SDC3: variants seen among roughly 807,000 people sequenced by gnomAD.
The protein encoded by SDC3 is syndecan 3, also known as syndecan-3.
A neutral mutation model predicts 24.4 loss-of-function variants in SDC3; 13 were observed. The observed-to-expected ratio is 0.53, with a 90% confidence interval of 0.35 to 0.85. The LOEUF is 0.85. Among genes scored for constraint, SDC3 ranks in the 40% least tolerant of loss-of-function variants. The pLI, the probability that SDC3 is intolerant of heterozygous loss-of-function variation, is 0.01. For missense variants in SDC3, 571 were observed against 584.5 expected (o/e 0.98, Z 0.24); for synonymous variants, 295 against 260.9 (o/e 1.13, Z -1.26).
chr1:30,876,995 G>C lies in SDC3; in HGVS notation c.427C>G (p.Leu143Val). The C allele has an allele frequency of 6.2e-7, 1 of 1,613,576 alleles. No homozygotes were observed. The change falls in exon 3 of 5, where the codon CTG becomes GTG. Residue 143 changes from leucine to valine, a missense_variant. Leu to Val is a conservative substitution (Grantham distance 32). This residue lies in a region of SDC3 where 497 missense variants were observed against 471.6 expected (regional missense o/e 1.05). Transcript: ENST00000339394. ...RPTLEPATSP[L>V]VVTEVPEEPS... ...TCTTCCGGGACTTCTGTCACCACCA[G>C]GGGGCTGGTGGCTGGCTCCAGGGTG... is the stretch of plus-strand genomic sequence containing the variant.
Position 30,876,715 on chromosome 1 carries a change from G to A in SDC3, c.707C>T (p.Ala236Val), listed in dbSNP as rs771589440. The change falls in exon 3 of 5, where the codon GCG (alanine) becomes GTG (valine). Residue 236 changes from alanine to valine, a missense_variant. Physicochemically the swap from Ala to Val is moderately conservative, Grantham distance 64. Coordinates refer to ENST00000339394, the MANE Select transcript of SDC3 (RefSeq NM_014654.4). ...TGGGGCCTCGGTGTCCAAGACAGCC[G>A]CCGTGGTGGGCGGGGAGGGCGCCTC... Reference protein sequence around the residue: ...TPEAPSPPTTAAVLDTEAPTP... With the variant: ...TPEAPSPPTTVAVLDTEAPTP... 6.0e-5 allele frequency: 95 copies of A among 1,595,796 alleles called. No homozygotes were observed. In the South Asian group the frequency reaches 7.9e-4, roughly 13 times the overall value.
intron 1 of SDC3, among the ~76,000 whole-genome samples, chr1:30,900,663 G>A (rs992423514): frequency 6.6e-6 from 1 of 152,164 alleles, no homozygotes; most frequent in African/African-American, 2.4e-5. Flanking sequence ...CCAGCCCAGG[G>A]AGGGGGACAG....
intron 1 of SDC3, among the ~76,000 whole-genome samples, chr1:30,894,890 T>C (rs1452687326): frequency 6.6e-6 from 1 of 151,930 alleles, no homozygotes; most frequent in Non-Finnish European, 1.5e-5. Flanking sequence ...AGTGTGTCCA[T>C]GTTAGCGTGG....
chr1:30,899,379 C>G (rs1638359477), intron 1 of SDC3, among the ~76,000 whole-genome samples: 1 of 152,112 alleles, frequency 6.6e-6, no homozygotes, highest in East Asian at 1.9e-4. Context: ...GTCACCAAGC[C>G]TGCCTTGTTG....
At chr1:30,892,660 T>G (rs1245803863) in intron 1 of SDC3, among the ~76,000 whole-genome samples, 2 of 152,186 alleles carry the variant, frequency 1.3e-5, no homozygotes, top group Non-Finnish European at 2.9e-5. Context: ...TGGTGGGCTC[T>G]CATGGCCACT....
At chr1:30,880,513 C>T (rs191078138) in intron 1 of SDC3, 1 of 152,376 alleles carries the variant, frequency 6.6e-6, no homozygotes, top group Non-Finnish European at 1.5e-5. Flanking sequence ...TCCAAACCTG[C>T]TTCCAAGAGT....
chr1:30,890,793 T>C (rs906402998), intron 1 of SDC3, among the ~76,000 whole-genome samples: 4 of 152,212 alleles, frequency 2.6e-5, no homozygotes, highest in Non-Finnish European at 4.4e-5. Flanking sequence ...CACGCTTGTC[T>C]TGGCCCTGCT....
Position 30,908,688 on chromosome 1 carries a change from G to T in SDC3, c.-102C>A, listed in dbSNP as rs894797774. The T allele has an allele frequency of 7.7e-5, 26 of 336,488 alleles. No homozygotes were observed. The highest frequency in any genetic ancestry group is 1.1e-4 in the Non-Finnish European group (26 of 240,008). The allele number at this position is 336,488 out of a possible 1,614,324, so 20.8% of individuals were successfully genotyped here. On this transcript the variant is annotated 5_prime_UTR_variant, in exon 1 of 5. Transcript: ENST00000339394. ...TTGGCGGCGGCGCGGCCCGGCGGCT[G>T]GACCGACGCGCTCTAGGCTCGCGGG...
Position 30,874,315 on chromosome 1 carries a change from G to A in SDC3, c.1144C>T (p.Arg382Trp), listed in dbSNP as rs763990227. 20 of 1,609,456 alleles carry A rather than the reference G, an allele frequency of 1.2e-5. No homozygotes were observed. Among genetic ancestry groups the A allele is most frequent in the African/African-American group, 6.7e-5 (5 of 74,838 alleles). ...GCCTCACCTACGAGCACCTCCTTCC[G>A]CTCCAGGATACTCTTCTGAGGCAGC... Reference protein sequence around the residue: ...AQLPQKSILERKEVLVAVIVG... With the variant: ...AQLPQKSILEWKEVLVAVIVG... The change falls in exon 4 of 5, where the codon CGG becomes TGG. Residue 382 changes from arginine (R) to tryptophan (W), a missense_variant. Physicochemically the swap from Arg to Trp is moderately radical, Grantham distance 101. Around this residue, in one of 2 missense-constraint regions of SDC3, gnomAD observed 74 missense variants for 112.9 expected, o/e 0.66. Coordinates refer to ENST00000339394, the MANE Select transcript of SDC3 (RefSeq NM_014654.4).
intron 1 of SDC3, among the ~76,000 whole-genome samples, chr1:30,894,833 G>C (rs1019754881): frequency 2.0e-5 from 3 of 151,988 alleles, no homozygotes; most frequent in Admixed American, 2.0e-4. Context: ...ATCCATGTGT[G>C]TATGCCTAGG....
chr1:30,885,091 G>A (rs1639808836), intron 1 of SDC3, among the ~76,000 whole-genome samples: 1 of 152,158 alleles, frequency 6.6e-6, no homozygotes, highest in Non-Finnish European at 1.5e-5. Flanking sequence ...ATATGCAGAT[G>A]GCTCTCTCAA....
chr1:30,878,815 G>T (rs997490684), intron 1 of SDC3, 75 bp from the exon 2 acceptor site: 5 of 1,200,988 alleles, frequency 4.2e-6, no homozygotes, highest in Non-Finnish European at 5.0e-6. Flanking sequence ...AGGGCGACAG[G>T]TGCCCTTGTG....
At chr1:30,875,828 C>T (rs1639627642) in intron 3 of SDC3, among the ~76,000 whole-genome samples, 1 of 152,210 alleles carries the variant, frequency 6.6e-6, no homozygotes, top group Non-Finnish European at 1.5e-5. Flanking sequence ...GGCTTCACCT[C>T]CCTGTGCACC....
At position 30,878,606 on chromosome 1, in the gene SDC3, G is replaced by C; in HGVS notation, c.256+17C>G. On this transcript the variant is annotated intron_variant, in intron 2 of 4. Transcript: ENST00000339394. ...TGGTCACTGCCCCCAGGCAGAGGTA[G>C]GGAGGGGGGTACTTACAGCCCGAGC... 1 of 1,595,112 alleles carries C rather than the reference G, an allele frequency of 6.3e-7. No homozygotes were observed. The highest frequency in any genetic ancestry group is 8.6e-7 in the Non-Finnish European group (1 of 1,162,538).
intron 2 of SDC3, chr1:30,878,345 T>G: frequency 3.0e-6 from 1 of 332,352 alleles, no homozygotes; most frequent in Non-Finnish European, 5.6e-6. Flanking sequence ...CCAAGCAAGG[T>G]CTGCAGAGAA....
intron 2 of SDC3, chr1:30,877,617 C>A (rs570510817): frequency 4.2e-6 from 1 of 235,588 alleles, no homozygotes; most frequent in Non-Finnish European, 8.3e-6. Flanking sequence ...GAGGCAGAGG[C>A]GGAGGGTAAA....
rs555038956 is a variant in SDC3 at position 30,888,194 on chromosome 1, G to C, written c.139-9454C>G. Among the ~76,000 whole-genome samples the C allele has an allele frequency of 3.9e-5, 6 of 152,312 alleles. No individual in the cohort carries two copies. The East Asian group carries it at 1.2e-3, about 29-fold the overall frequency. On this transcript the variant is annotated intron_variant, in intron 1 of 4. Transcript: ENST00000339394. ...TACTCCACAGAGGCAGAAAGCCCAGGCGACTTGCTAGAGGTCAGTGAGCTC... is the reference window on the plus strand; with the variant it reads ...TACTCCACAGAGGCAGAAAGCCCAGCCGACTTGCTAGAGGTCAGTGAGCTC...
At chr1:30,903,166 A>G (rs1638447940) in intron 1 of SDC3, among the ~76,000 whole-genome samples, 1 of 152,140 alleles carries the variant, frequency 6.6e-6, no homozygotes. Context: ...CTTGGCTGCA[A>G]TGGGGCCAGT....
intron 1 of SDC3, among the ~76,000 whole-genome samples, chr1:30,894,359 TGTGA>T (rs1436666647): frequency 1.6e-4 from 18 of 110,974 alleles, no homozygotes; most frequent in East Asian, 2.8e-4. Context: ...GATGAGTGTG[TGTGA>T]GTGTGTGTGT....
Sources: allele counts gnomAD v4.1 joint callset (sites outside exome capture counted in the v4.1 genomes callset), GRCh38; gene constraint gnomAD v4.1.1; regional missense constraint gnomAD v4.1.1; transcripts MANE v1.5; gene names NCBI Gene and HGNC (gene_info 2026-07-23, HGNC 2026-07-21).